The following FAM234A variants were observed in gnomAD, a reference collection of about 807,000 sequenced individuals.
FAM234A encodes the protein family with sequence similarity 234 member A.
A neutral mutation model predicts 49.1 loss-of-function variants in FAM234A; 42 were observed. That is an observed-to-expected ratio of 0.86 (90% CI 0.67 to 1.11). The LOEUF is 1.11. Among genes scored for constraint, FAM234A ranks in the 50% least tolerant of loss-of-function variants. The probability of loss-of-function intolerance (pLI) is 0.00; values close to 1 mark genes in which losing one functional copy is unlikely to be tolerated. For missense variants in FAM234A, 815 were observed against 745.2 expected (o/e 1.09, Z -1.09); for synonymous variants, 369 against 316.2 (o/e 1.17, Z -1.77).
chr16:251,683 T>C (rs1260010173), intron 2 of FAM234A, among the ~76,000 whole-genome samples: 2 of 136,446 alleles, frequency 1.5e-5, no homozygotes, highest in Non-Finnish European at 3.1e-5. Flanking sequence ...AGCCAGGTTT[T>C]TTTTTTTTTT....
downstream of FAM234A, chr16:269,540 G>A (rs748491669): frequency 1.2e-6 from 2 of 1,613,446 alleles, no homozygotes; most frequent in East Asian, 2.2e-5. Context: ...GCCTCTGCCA[G>A]GAGGGCCTTG....
At chr16:261,898 A>T (rs1327156770) in intron 6 of FAM234A, among the ~76,000 whole-genome samples, 195 bp from the exon 7 acceptor site, 1 of 152,006 alleles carries the variant, frequency 6.6e-6, no homozygotes, top group African/African-American at 2.4e-5. Flanking sequence ...CTTTCCTCAA[A>T]ACCAAGAGCC....
chr16:262,674 C>A, intron 8 of FAM234A, 121 bp downstream of exon 8: 1 of 1,008,556 alleles, frequency 9.9e-7, no homozygotes, highest in Non-Finnish European at 1.3e-6. Flanking sequence ...GGGAGGTGCT[C>A]GGGGTACCGC....
At chr16:248,896 C>A (rs1306422708) in intron 1 of FAM234A, among the ~76,000 whole-genome samples, 1 of 151,960 alleles carries the variant, frequency 6.6e-6, no homozygotes, top group East Asian at 1.9e-4. Flanking sequence ...GCTGGGATTA[C>A]AGGTGTGAGG....
chr16:269,133 C>G (rs1402554097), downstream of FAM234A: 2 of 893,184 alleles, frequency 2.2e-6, no homozygotes, highest in Admixed American at 4.0e-5. Context: ...CCACAGAAGA[C>G]TGGGCCCCCT....
chr16:240,773 A>G (rs1241437360), intron 1 of FAM234A, among the ~76,000 whole-genome samples: 1 of 152,104 alleles, frequency 6.6e-6, no homozygotes, highest in Non-Finnish European at 1.5e-5. Context: ...AAGTGCTGAG[A>G]TTACAGTTGT....
At chr16:269,697 C>A, downstream of FAM234A, 1 of 861,694 alleles carries the variant, frequency 1.2e-6, no homozygotes, top group Non-Finnish European at 1.8e-6. Context: ...ACAGAGTCTC[C>A]GGCGGACAGG....
chr16:258,907 C>T (rs1161874682), intron 3 of FAM234A, among the ~76,000 whole-genome samples: 4 of 152,282 alleles, frequency 2.6e-5, no homozygotes, highest in East Asian at 1.9e-4. Flanking sequence ...CTCAGCCTCC[C>T]GAGTAGCTGG....
intron 3 of FAM234A, among the ~76,000 whole-genome samples, chr16:257,594 A>G (rs1029745382): frequency 6.6e-6 from 1 of 151,912 alleles, no homozygotes; most frequent in African/African-American, 2.4e-5. Context: ...CTTGTCATGA[A>G]GATTTTTCCC....
chr16:253,691 G>T (rs1313580490), intron 2 of FAM234A: 4 of 152,202 alleles, frequency 2.6e-5, no homozygotes, highest in Non-Finnish European at 5.9e-5. Flanking sequence ...AGCCAGGATG[G>T]TCTTGATCTC....
At position 249,623 on chromosome 16, in the gene FAM234A, C is replaced by T. The variant is rs891410905; in HGVS notation, c.-65C>T. On this transcript the variant is annotated 5_prime_UTR_variant, in exon 2 of 13. Transcript: ENST00000399932. ...CAGATGCACCAGCAGGAGTCCACAT[C>T]GAGGACGTCCTCCGGGCACTCCCAC... The T allele has an allele frequency of 1.3e-5, 2 of 152,022 alleles. No homozygotes were observed. Among genetic ancestry groups the T allele is most frequent in the African/African-American group, 4.8e-5 (2 of 41,250 alleles). 9.4% of individuals were successfully genotyped at this position (152,022 alleles called of 1,614,324 possible).
intron 8 of FAM234A, among the ~76,000 whole-genome samples, chr16:263,026 G>A (rs955362125): frequency 2.0e-5 from 3 of 152,032 alleles, no homozygotes; most frequent in African/African-American, 4.8e-5. Flanking sequence ...CTCCATGTTG[G>A]TCAGACTGGT....
At chr16:244,521 T>A (rs2050735201) in intron 1 of FAM234A, among the ~76,000 whole-genome samples, 2 of 152,106 alleles carry the variant, frequency 1.3e-5, no homozygotes, top group South Asian at 4.1e-4. Flanking sequence ...CCTCTAAAAC[T>A]TACATGAACC....
Position 238,979 on chromosome 16 carries a change from G to A in FAM234A, c.-140+4122G>A, listed in dbSNP as rs866883206. 2.0e-5 allele frequency among the ~76,000 whole-genome samples: 3 copies of A among 147,202 alleles called. No individual in the cohort carries two copies. The East Asian group carries it at 6.2e-4, about 30-fold the overall frequency. The stretch of plus-strand genomic sequence containing the variant: ...TGCCTGTAGTCCCAGCTACTCAGGA[G>A]GCTGAGGCAGGAGAGTTGTTTGAAC... On this transcript the variant is annotated intron_variant, in intron 1 of 12. Coordinates refer to ENST00000399932, the MANE Select transcript of FAM234A (RefSeq NM_032039.4).
downstream of FAM234A, chr16:268,639 C>G (rs978061989): frequency 1.2e-6 from 1 of 832,288 alleles, no homozygotes; most frequent in Non-Finnish European, 1.9e-6. Context: ...GCCGCGGCCT[C>G]GAGGTGGGAA....
rs372933829 is a variant in FAM234A at position 260,138 on chromosome 16, C to G, written c.555C>G (p.Phe185Leu). The G allele has an allele frequency of 2.5e-6, 4 of 1,613,622 alleles. No homozygotes were observed. The African/African-American group carries it at 5.3e-5, about 22-fold the overall frequency. The change falls in exon 5 of 13, where the codon TTC becomes TTG. Residue 185 changes from phenylalanine to leucine, a missense_variant. Transcript: ENST00000399932. ...TCCTGGTGGGCAGACCCAGTTCTTT[C>G]ATTGCAGTCAACTTGTTCACAGGTA... The part of the protein sequence containing the change: ...ACILVGRPSS[F>L]IAVNLFTGET...
At chr16:267,880 GAC>G (rs1351878229), downstream of FAM234A, among the ~76,000 whole-genome samples, 3 of 107,024 alleles carry the variant, frequency 2.8e-5, no homozygotes, top group Admixed American at 1.2e-4. Flanking sequence ...CATCCTACAC[GAC>G]ACATGCACAT....
At chr16:266,139 G>A, downstream of FAM234A, 6 of 952,124 alleles carry the variant, frequency 6.3e-6, no homozygotes, top group Non-Finnish European at 7.5e-6. Flanking sequence ...GCGTCTGCCT[G>A]TCTGTCTGCT....
chr16:259,618 A>C lies in FAM234A; in HGVS notation c.385+19A>C. 7.0e-7 allele frequency: 1 copy of C among 1,429,968 alleles called. No homozygotes were observed. Among genetic ancestry groups the C allele is most frequent in the Non-Finnish European group, 9.9e-7 (1 of 1,013,810 alleles). The allele number at this position is 1,429,968 out of a possible 1,614,324, so 88.6% of individuals were successfully genotyped here. On this transcript the variant is annotated intron_variant, in intron 4 of 12. Transcript: ENST00000399932. ...GACGAAGGTAATTTCATTTTATATG[A>C]AAAAGGCGGAGCTCCCTGTAGAAAG... is the stretch of plus-strand genomic sequence containing the variant.
Sources: gnomAD v4.1 joint callset for allele counts (sites outside exome capture counted in the v4.1 genomes callset) on GRCh38, gnomAD v4.1.1 for gene constraint, MANE v1.5 for transcripts, NCBI Gene and HGNC (gene_info 2026-07-23, HGNC 2026-07-21) for gene names.